The following ALK variants were observed in gnomAD, a reference collection of about 807,000 sequenced individuals.
The protein encoded by ALK is ALK tyrosine kinase receptor.
A neutral mutation model predicts 163.1 loss-of-function variants in ALK; 74 were observed. That is an observed-to-expected ratio of 0.45 (90% CI 0.38 to 0.55). The LOEUF (loss-of-function observed/expected upper bound fraction) is 0.55, where lower values mean the gene tolerates loss of function less well. Ranked by LOEUF, ALK falls within the 20% of genes least tolerant of loss-of-function variation. The pLI is 0.00. For synonymous variants in ALK, 960 were observed against 843.2 expected (o/e 1.14, Z -2.40); for missense variants, 2,063 against 2,105.3 (o/e 0.98, Z 0.39).
intron 3 of ALK, among the ~76,000 whole-genome samples, chr2:29,621,972 A>C (rs1676050045): frequency 6.6e-6 from 1 of 152,060 alleles, no homozygotes; most frequent in Non-Finnish European, 1.5e-5. Flanking sequence ...TGGGTGGGAG[A>C]CTTTGAAGAC....
chr2:29,492,764 C>G (rs1671932947), intron 4 of ALK, among the ~76,000 whole-genome samples: 1 of 152,174 alleles, frequency 6.6e-6, no homozygotes, highest in Non-Finnish European at 1.5e-5. Context: ...CCATGGCTTT[C>G]CAGCTATGCA....
chr2:29,402,063 T>G (rs997144632), intron 4 of ALK, among the ~76,000 whole-genome samples: 7 of 152,216 alleles, frequency 4.6e-5, no homozygotes, highest in Non-Finnish European at 1.0e-4. Flanking sequence ...CATCCCTCCC[T>G]TCACAAGAGA....
At chr2:29,434,443 TG>T in intron 4 of ALK, among the ~76,000 whole-genome samples, 1 of 152,342 alleles carries the variant, frequency 6.6e-6, no homozygotes, top group African/African-American at 2.4e-5. Context: ...ATAATTTGCA[TG>T]GCTAAAATGG....
At chr2:29,775,640 G>A (rs1429465464) in intron 1 of ALK, among the ~76,000 whole-genome samples, 1 of 152,042 alleles carries the variant, frequency 6.6e-6, no homozygotes, top group Non-Finnish European at 1.5e-5. Flanking sequence ...GACTCTTCTA[G>A]ACAGACTTCT....
intron 3 of ALK, among the ~76,000 whole-genome samples, chr2:29,682,038 G>A (rs139903473): frequency 1.3e-5 from 2 of 152,132 alleles, no homozygotes; most frequent in Admixed American, 1.3e-4. Flanking sequence ...AGACCAACAG[G>A]TGTCTGAATT....
At chr2:29,893,941 C>T (rs1667207309) in intron 1 of ALK, among the ~76,000 whole-genome samples, 1 of 152,070 alleles carries the variant, frequency 6.6e-6, no homozygotes, top group Non-Finnish European at 1.5e-5. Context: ...GATATGAGGA[C>T]AAAATTCAGT....
chr2:29,267,080 G>GAC (rs970158799), intron 11 of ALK, among the ~76,000 whole-genome samples: 1 of 151,726 alleles, frequency 6.6e-6, no homozygotes, highest in Non-Finnish European at 1.5e-5. Flanking sequence ...ATTACTAGAA[G>GAC]ACTCTCTCTC....
chr2:29,852,163 A>G (rs913416861), intron 1 of ALK, among the ~76,000 whole-genome samples: 1 of 152,232 alleles, frequency 6.6e-6, no homozygotes, highest in Non-Finnish European at 1.5e-5. Flanking sequence ...CCTGTGGCAC[A>G]GAGTTTGTTT....
chr2:29,402,719 T>A (rs528135779), intron 4 of ALK, among the ~76,000 whole-genome samples: 2 of 152,302 alleles, frequency 1.3e-5, no homozygotes, highest in South Asian at 4.1e-4. Flanking sequence ...AGGACAATGG[T>A]GGTACCTTGT....
At chr2:29,419,594 T>C (rs1669968559) in intron 4 of ALK, among the ~76,000 whole-genome samples, 1 of 151,312 alleles carries the variant, frequency 6.6e-6, no homozygotes, top group Non-Finnish European at 1.5e-5. Flanking sequence ...AGAGGATGAG[T>C]ATGATACAAA....
chr2:29,907,430 C>G (rs997053283), intron 1 of ALK, among the ~76,000 whole-genome samples: 1 of 152,146 alleles, frequency 6.6e-6, no homozygotes, highest in Non-Finnish European at 1.5e-5. Flanking sequence ...CTTCAGCACT[C>G]TCTCTAAACT....
intron 9 of ALK, among the ~76,000 whole-genome samples, chr2:29,278,328 G>A (rs1293800378): frequency 6.6e-6 from 1 of 152,118 alleles, no homozygotes; most frequent in Non-Finnish European, 1.5e-5. Context: ...ATTATTTCAG[G>A]GAAAATGGAG....
intron 1 of ALK, among the ~76,000 whole-genome samples, chr2:29,770,946 C>G (rs891930573): frequency 1.3e-5 from 2 of 152,002 alleles, no homozygotes; most frequent in South Asian, 4.2e-4. Flanking sequence ...CATAGACACA[C>G]AGAAACACAC....
At chr2:29,577,258 T>C (rs1674550651) in intron 3 of ALK, among the ~76,000 whole-genome samples, 1 of 152,134 alleles carries the variant, frequency 6.6e-6, no homozygotes, top group African/African-American at 2.4e-5. Flanking sequence ...TTCACTCTCT[T>C]TGAGTCATTT....
intron 3 of ALK, among the ~76,000 whole-genome samples, chr2:29,564,583 C>T (rs1674125317): frequency 2.0e-5 from 3 of 152,136 alleles, no homozygotes. Flanking sequence ...GTCAACCTGC[C>T]CTCTCATCCA....
Position 29,385,388 on chromosome 2 carries a change from T to G in ALK, c.1155-1529A>C, listed in dbSNP as rs1262696200. ...GGAAACAACCTGTCAGGTTGTTTTT[T>G]TTTTTTTTTTTCTGTCTTGAGACAG... On this transcript the variant is annotated intron_variant, in intron 4 of 28. Coordinates refer to ENST00000389048, the MANE Select transcript of ALK (RefSeq NM_004304.5). Among the ~76,000 whole-genome samples the G allele has an allele frequency of 5.3e-5, 8 of 151,496 alleles. No individual in the cohort carries two copies. In the South Asian group the frequency reaches 1.0e-3, roughly 20 times the overall value.
At chr2:29,417,905 G>A (rs1669919253) in intron 4 of ALK, among the ~76,000 whole-genome samples, 1 of 152,200 alleles carries the variant, frequency 6.6e-6, no homozygotes, top group South Asian at 2.1e-4. Flanking sequence ...GGCTGAGCTT[G>A]TAAATTGTAT....
chr2:29,469,129 A>C (rs1671286077), intron 4 of ALK, among the ~76,000 whole-genome samples: 1 of 152,210 alleles, frequency 6.6e-6, no homozygotes, highest in African/African-American at 2.4e-5. Context: ...TAAAGATCAT[A>C]CTATGAAGCT....
At chr2:29,209,254 G>A (rs1456011705) in intron 25 of ALK, among the ~76,000 whole-genome samples, 1 of 152,094 alleles carries the variant, frequency 6.6e-6, no homozygotes, top group Non-Finnish European at 1.5e-5. Context: ...TAAGAACTTG[G>A]TGTTGGCTGG....
Sources: gnomAD v4.1 joint callset for allele counts (sites outside exome capture counted in the v4.1 genomes callset) on GRCh38, gnomAD v4.1.1 for gene constraint, MANE v1.5 for transcripts, NCBI Gene and HGNC (gene_info 2026-07-23, HGNC 2026-07-21) for gene names.